CFAP54: variants seen among roughly 807,000 people sequenced by gnomAD.
The protein encoded by CFAP54 is cilia and flagella associated protein 54, also known as cilia- and flagella-associated protein 54.
A neutral mutation model predicts 370.4 loss-of-function variants in CFAP54; 290 were observed. That is an observed-to-expected ratio of 0.78 (90% CI 0.71 to 0.86). The LOEUF (loss-of-function observed/expected upper bound fraction) is 0.86, where lower values mean the gene tolerates loss of function less well. CFAP54 is among the 40% of genes least tolerant of loss of function. The pLI, the probability that CFAP54 is intolerant of heterozygous loss-of-function variation, is 0.00. For missense variants in CFAP54, 3,399 were observed against 3,528.7 expected, an observed-to-expected ratio of 0.96 and a Z score of 0.93; for synonymous variants, 1,206 against 1,236.5, an observed-to-expected ratio of 0.98 and a Z score of 0.52.
chr12:96,782,097 A>T (rs187139847), intron 60 of CFAP54, among the ~76,000 whole-genome samples: 1 of 152,216 alleles, frequency 6.6e-6, no homozygotes, highest in Admixed American at 6.5e-5. Context: ...GAAAAATAAT[A>T]ATCATCTCAA....
At chr12:96,649,498 CCTAA>C (rs1956834706) in intron 34 of CFAP54, among the ~76,000 whole-genome samples, 1 of 152,118 alleles carries the variant, frequency 6.6e-6, no homozygotes. Flanking sequence ...TGCTGCATTG[CCTAA>C]CTCCAGAGGT....
At position 96,749,241 on chromosome 12, in the gene CFAP54, G is replaced by A. The variant is rs191210309; in HGVS notation, c.7685-4502G>A. On this transcript the variant is annotated intron_variant, in intron 55 of 67. Coordinates refer to ENST00000524981, the MANE Select transcript of CFAP54 (RefSeq NM_001306084.2). ...TGGCACCTTCTATGTGTCCTTACATGGTGGAAGGGGCAGACAGGCTTTCTC... is the reference window on the plus strand; with the variant it reads ...TGGCACCTTCTATGTGTCCTTACATAGTGGAAGGGGCAGACAGGCTTTCTC... Among the ~76,000 whole-genome samples, 146 of 152,326 alleles carry A rather than the reference G, an allele frequency of 9.6e-4. 2 individuals are homozygous for A. The highest frequency in any genetic ancestry group is 1.5e-3 in the Admixed American group (23 of 15,310).
rs183046289 is a variant in CFAP54, at chr12:96,496,688, T to C, written c.318-4146T>C. Among the ~76,000 whole-genome samples the C allele has an allele frequency of 3.0e-3, 451 of 152,110 alleles. 1 individual carries two copies. Among genetic ancestry groups the C allele is most frequent in the Non-Finnish European group, 3.3e-3 (223 of 68,000 alleles). ...CACTGGAGGTTAGGATTTCAACATA[T>C]GAATTGGGGGGCAGTGGGGGAGGGG... is the stretch of plus-strand genomic sequence containing the variant. On this transcript the variant is annotated intron_variant, in intron 1 of 67. Coordinates refer to ENST00000524981, the MANE Select transcript of CFAP54 (RefSeq NM_001306084.2).
intron 19 of CFAP54, among the ~76,000 whole-genome samples, chr12:96,569,175 T>G (rs1304055837): frequency 6.6e-6 from 1 of 152,214 alleles, no homozygotes; most frequent in East Asian, 1.9e-4. Context: ...GAAATGCTCC[T>G]CCATCCAAGT....
At chr12:96,809,922 C>T (rs1958914634) in intron 63 of CFAP54, among the ~76,000 whole-genome samples, 1 of 152,156 alleles carries the variant, frequency 6.6e-6, no homozygotes, top group Non-Finnish European at 1.5e-5. Flanking sequence ...ATTCAGAATA[C>T]AGACTTTCAC....
At chr12:96,841,082 A>G (rs1959211189) in intron 66 of CFAP54, among the ~76,000 whole-genome samples, 1 of 152,254 alleles carries the variant, frequency 6.6e-6, no homozygotes, top group African/African-American at 2.4e-5. Flanking sequence ...TGCTCAAAGT[A>G]GCAGTTCCAC....
chr12:96,522,295 A>G, intron 8 of CFAP54, 106 bp downstream of exon 8: 1 of 740,764 alleles, frequency 1.3e-6, no homozygotes, highest in East Asian at 2.7e-5. Flanking sequence ...TTCTGCCCCC[A>G]GTTCTCTGCC....
chr12:96,731,110 A>G (rs1434754156), intron 50 of CFAP54, among the ~76,000 whole-genome samples: 1 of 152,218 alleles, frequency 6.6e-6, no homozygotes, highest in East Asian at 1.9e-4. Flanking sequence ...AGAAGCAACA[A>G]TGATAAGACT....
At chr12:96,818,971 T>G (rs1959003609) in intron 65 of CFAP54, among the ~76,000 whole-genome samples, 1 of 152,248 alleles carries the variant, frequency 6.6e-6, no homozygotes, top group Non-Finnish European at 1.5e-5. Flanking sequence ...TGTACCTTAA[T>G]TTCTTGAGAG....
At chr12:96,604,748 C>G (rs1262158862) in intron 26 of CFAP54, among the ~76,000 whole-genome samples, 1 of 152,222 alleles carries the variant, frequency 6.6e-6, no homozygotes, top group East Asian at 1.9e-4. Flanking sequence ...GTGCTAGCAG[C>G]GAGCAAGGCT....
intron 63 of CFAP54, among the ~76,000 whole-genome samples, chr12:96,793,418 G>GTA (rs76788816): frequency 6.6e-6 from 1 of 151,738 alleles, no homozygotes; most frequent in African/African-American, 2.4e-5. Flanking sequence ...GTGTGCATAT[G>GTA]TATATATCAC....
intron 17 of CFAP54, among the ~76,000 whole-genome samples, chr12:96,561,009 T>G (rs1341627857): frequency 6.6e-6 from 1 of 152,210 alleles, no homozygotes; most frequent in Non-Finnish European, 1.5e-5. Flanking sequence ...TCAGATTCCT[T>G]TTTTACTAAT....
chr12:96,744,399 T>C (rs1958088127), intron 55 of CFAP54, among the ~76,000 whole-genome samples: 1 of 152,168 alleles, frequency 6.6e-6, no homozygotes, highest in Non-Finnish European at 1.5e-5. Context: ...GTCTAGACTA[T>C]TGCACTTTAT....
chr12:96,669,051 T>C (rs925770668), intron 39 of CFAP54, among the ~76,000 whole-genome samples: 2 of 152,084 alleles, frequency 1.3e-5, no homozygotes, highest in Non-Finnish European at 2.9e-5. Context: ...AACCCAGAGA[T>C]TATAGTATAG....
chr12:96,872,536 G>A lies in CFAP54; in HGVS notation c.*15-2582G>A, dbSNP rs148400210. On this transcript the variant is annotated intron_variant, in intron 67 of 67. Coordinates refer to ENST00000524981, the MANE Select transcript of CFAP54 (RefSeq NM_001306084.2). ...GTCATTAAGGTATATTTCAAAAATG[G>A]ATACTGCCAGAGGTGAAATAAAACA... Among the ~76,000 whole-genome samples the A allele has an allele frequency of 8.6e-3, 1,302 of 152,280 alleles. 7 individuals carry two copies. Among genetic ancestry groups the A allele is most frequent in the Non-Finnish European group, 0.014 (967 of 68,022 alleles).
At chr12:96,774,727 T>TA (rs1958498457) in intron 60 of CFAP54, among the ~76,000 whole-genome samples, 2 of 152,178 alleles carry the variant, frequency 1.3e-5, no homozygotes, top group African/African-American at 4.8e-5. Flanking sequence ...TGAATCATCT[T>TA]AACCAAGAAT....
chr12:96,708,061 G>C (rs115195352), intron 47 of CFAP54, among the ~76,000 whole-genome samples: 1 of 152,118 alleles, frequency 6.6e-6, no homozygotes, highest in African/African-American at 2.4e-5. Flanking sequence ...CAGACCATAA[G>C]AGGGCTCAGA....
At chr12:96,646,509 G>GTAAAC (rs1411604220) in intron 33 of CFAP54, 1 of 152,210 alleles carries the variant, frequency 6.6e-6, no homozygotes, top group Non-Finnish European at 1.5e-5. Context: ...GGGACTGTAT[G>GTAAAC]TAAACTAGTT....
intron 66 of CFAP54, among the ~76,000 whole-genome samples, chr12:96,855,632 C>G (rs1181000950): frequency 6.6e-6 from 1 of 152,228 alleles, no homozygotes; most frequent in Admixed American, 6.5e-5. Flanking sequence ...CCATGTCACA[C>G]ACCCAGGGCT....
Sources: gnomAD v4.1 joint callset for allele counts (sites outside exome capture counted in the v4.1 genomes callset) on GRCh38, gnomAD v4.1.1 for gene constraint, MANE v1.5 for transcripts, NCBI Gene and HGNC (gene_info 2026-07-23, HGNC 2026-07-21) for gene names.